The following TCF4 variants were observed in gnomAD, a reference collection of about 807,000 sequenced individuals.
TCF4 encodes the protein transcription factor 4.
Under a neutral mutation model 82.1 loss-of-function variants are expected in TCF4, and 3 were observed. That is an observed-to-expected ratio of 0.04 (90% confidence interval 0.02 to 0.09). The LOEUF is 0.09. Among genes scored for constraint, TCF4 ranks in the 10% least tolerant of loss-of-function variants. The pLI is 1.00. For missense variants in TCF4, 518 were observed against 852.7 expected (o/e 0.61, Z 4.89); for synonymous variants, 276 against 309.6 (o/e 0.89, Z 1.14).
At chr18:55,623,616 A>C (rs1177470061) in intron 2 of TCF4, among the ~76,000 whole-genome samples, 1 of 152,214 alleles carries the variant, frequency 6.6e-6, no homozygotes, top group Non-Finnish European at 1.5e-5. Flanking sequence ...AAATTGCATG[A>C]ATAATGATAA....
In TCF4 at chr18:55,348,487, A is replaced by T. The variant is rs575976130; in HGVS notation, c.549+1872T>A. On this transcript the variant is annotated intron_variant, in intron 8 of 19. Transcript: ENST00000354452. The stretch of plus-strand genomic sequence containing the variant: ...GAATAAAACTAAATTCCTAATTCCC[A>T]AGTTTTGTTTATTGGGAAAGAAAGG... 9.9e-5 allele frequency among the ~76,000 whole-genome samples: 15 copies of T among 152,226 alleles called. No homozygotes were observed. In the South Asian group the frequency reaches 3.1e-3, roughly 32 times the overall value.
chr18:55,597,502 T>TA (rs1424770975), intron 2 of TCF4, among the ~76,000 whole-genome samples: 1 of 151,834 alleles, frequency 6.6e-6, no homozygotes, highest in Non-Finnish European at 1.5e-5. Context: ...CTGTCTTTAC[T>TA]AAAAAAATAC....
rs1335470110 is a variant in TCF4, at chr18:55,364,354, T to C, written c.370-13351A>G. ...AATAATGTGGTAAATTTACATTTAA[T>C]GAAAAAGCATGTTTTTAAAAGTAGC... On this transcript the variant is annotated intron_variant, in intron 6 of 19. Coordinates refer to ENST00000354452, the MANE Select transcript of TCF4 (RefSeq NM_001083962.2). Among the ~76,000 whole-genome samples the C allele has an allele frequency of 2.0e-5, 3 of 152,200 alleles. No homozygotes were observed. In the East Asian group the frequency reaches 5.8e-4, roughly 29 times the overall value.
At position 55,396,943 on chromosome 18, in the gene TCF4, A is replaced by T. The variant is rs143815355; in HGVS notation, c.369+6511T>A. 6.9e-4 allele frequency among the ~76,000 whole-genome samples: 105 copies of T among 152,342 alleles called. 1 individual carries two copies. The highest frequency in any genetic ancestry group is 2.5e-3 in the African/African-American group (102 of 41,584). ...GAATACTAGCTATAAATGTGGAAGGAATGATGGAATTTTAAAAGAATCACC... is the reference window on the plus strand; with the variant it reads ...GAATACTAGCTATAAATGTGGAAGGTATGATGGAATTTTAAAAGAATCACC... On this transcript the variant is annotated intron_variant, in intron 6 of 19. Coordinates refer to ENST00000354452, the MANE Select transcript of TCF4 (RefSeq NM_001083962.2).
chr18:55,448,586 C>T (rs1266682163), intron 5 of TCF4, among the ~76,000 whole-genome samples: 2 of 152,208 alleles, frequency 1.3e-5, no homozygotes, highest in African/African-American at 2.4e-5. Flanking sequence ...CACATTCCAC[C>T]TTGAGGAACA....
At chr18:55,441,505 A>G (rs1177300360) in intron 5 of TCF4, among the ~76,000 whole-genome samples, 3 of 152,318 alleles carry the variant, frequency 2.0e-5, no homozygotes, top group African/African-American at 7.2e-5. Context: ...ACTATCTGAG[A>G]GACAGAATTT....
chr18:55,232,629 C>T lies in TCF4; in HGVS notation c.1529G>A (p.Ser510Asn). ...CTCGTCATCGGATTTGATCTCAGAG[C>T]TGCCAGAGGAGACACTCTGCCCCTG... ...GLQGQSVSSG[S>N]SEIKSDDEGD... Residue 510 changes from serine to asparagine, a missense_variant, in exon 17 of 20, where the codon AGC becomes AAC. Physicochemically the swap from Ser to Asn is conservative, Grantham distance 46. Transcript: ENST00000354452. 1 of 1,614,176 alleles carries T rather than the reference C, an allele frequency of 6.2e-7. No homozygotes were observed. Among genetic ancestry groups the T allele is most frequent in the Non-Finnish European group, 8.5e-7 (1 of 1,180,024 alleles).
At chr18:55,250,203 G>A (rs2054586551) in intron 15 of TCF4, among the ~76,000 whole-genome samples, 2 of 152,164 alleles carry the variant, frequency 1.3e-5, no homozygotes, top group Admixed American at 1.3e-4. Context: ...AAGGACCCTG[G>A]TAGGGAGAGT....
At chr18:55,631,051 G>GTT (rs35757922) in intron 2 of TCF4, among the ~76,000 whole-genome samples, 2,708 of 142,290 alleles carry the variant, frequency 0.019, 67 homozygotes, top group African/African-American at 0.055. Flanking sequence ...AGAGCAATGG[G>GTT]TTTTTTTTTT....
intron 15 of TCF4, among the ~76,000 whole-genome samples, chr18:55,249,221 C>T (rs1178242570): frequency 6.6e-6 from 1 of 152,128 alleles, no homozygotes; most frequent in Non-Finnish European, 1.5e-5. Flanking sequence ...GTTGTTTGTC[C>T]TATGAAGCCC....
In TCF4 at chr18:55,331,343, C is replaced by A. The variant is rs1258705088; in HGVS notation, c.549+19016G>T. ...TATTCTAGAATATAGGATTCTCCAG[C>A]AAAGTTCAGTGCCTTGTTAAATAAA... is the stretch of plus-strand genomic sequence containing the variant. On this transcript the variant is annotated intron_variant, in intron 8 of 19. Coordinates refer to ENST00000354452, the MANE Select transcript of TCF4 (RefSeq NM_001083962.2). Among the ~76,000 whole-genome samples the A allele has an allele frequency of 2.6e-5, 4 of 152,308 alleles. No individual in the cohort carries two copies. The South Asian group carries it at 8.3e-4, about 32-fold the overall frequency.
chr18:55,580,718 A>G (rs991947081), intron 3 of TCF4, among the ~76,000 whole-genome samples: 5 of 150,764 alleles, frequency 3.3e-5, no homozygotes, highest in African/African-American at 1.2e-4. Flanking sequence ...TTGCCTATAT[A>G]ATCTTGCAAA....
intron 6 of TCF4, among the ~76,000 whole-genome samples, chr18:55,400,422 C>T (rs773219348): frequency 1.1e-4 from 16 of 152,202 alleles, no homozygotes; most frequent in South Asian, 2.1e-4. Flanking sequence ...CAAAAAAGTT[C>T]GTTTGGCTAC....
At chr18:55,515,624 G>C (rs2096873724) in intron 3 of TCF4, among the ~76,000 whole-genome samples, 1 of 152,126 alleles carries the variant, frequency 6.6e-6, no homozygotes, top group Non-Finnish European at 1.5e-5. Context: ...GCTTCAAAGA[G>C]GTAAAGCAGT....
chr18:55,443,224 T>C (rs920016099), intron 5 of TCF4, among the ~76,000 whole-genome samples: 3 of 152,226 alleles, frequency 2.0e-5, no homozygotes, highest in Admixed American at 1.3e-4. Context: ...GTCAGGTTAC[T>C]GTCCAACAAT....
rs1439880163 is a variant in TCF4 at position 55,224,429 on chromosome 18, A to G, written c.*3606T>C. 1.3e-5 allele frequency: 2 copies of G among 152,660 alleles called. No individual in the cohort carries two copies. The highest frequency in any genetic ancestry group is 2.4e-5 in the African/African-American group (1 of 41,464). The allele number at this position is 152,660 out of a possible 1,614,324, so 9.5% of individuals were successfully genotyped here. A position where few individuals can be genotyped will look rare whatever the true frequency, so the allele number is the denominator to read the frequency against. On this transcript the variant is annotated 3_prime_UTR_variant, in exon 20 of 20. Coordinates refer to ENST00000354452, the MANE Select transcript of TCF4 (RefSeq NM_001083962.2). The stretch of plus-strand genomic sequence containing the variant: ...ATTGTGTTGGAATTCATCATATTCC[A>G]TCTTGACTTTTTTGCTTCCAGTCAG...
intron 3 of TCF4, among the ~76,000 whole-genome samples, chr18:55,521,138 C>CT (rs1214247327): frequency 2.0e-5 from 3 of 152,204 alleles, no homozygotes; most frequent in Admixed American, 2.0e-4. Flanking sequence ...AAACAGCTGT[C>CT]TAACAATTTT....
intron 8 of TCF4, among the ~76,000 whole-genome samples, chr18:55,313,757 A>G (rs1024135709): frequency 6.6e-6 from 1 of 152,156 alleles, no homozygotes; most frequent in Non-Finnish European, 1.5e-5. Flanking sequence ...TGATTAATAC[A>G]AGGAAGAACT....
intron 6 of TCF4, among the ~76,000 whole-genome samples, chr18:55,371,587 A>G (rs1016999747): frequency 1.3e-5 from 2 of 152,052 alleles, no homozygotes; most frequent in African/African-American, 4.8e-5. Context: ...AGGGACCAGG[A>G]ACTTTACTAG....
Sources: allele counts gnomAD v4.1 joint callset (sites outside exome capture counted in the v4.1 genomes callset), GRCh38; gene constraint gnomAD v4.1.1; transcripts MANE v1.5; gene names NCBI Gene and HGNC (gene_info 2026-07-23, HGNC 2026-07-21).